Variants in BMPR2 observed in about 807,000 individuals in gnomAD.
BMPR2 encodes the protein bone morphogenetic protein receptor type-2.
A neutral mutation model predicts 100.8 loss-of-function variants in BMPR2; 29 were observed. That is an observed-to-expected ratio of 0.29 (90% CI 0.21 to 0.39). BMPR2 has a LOEUF of 0.39. Ranked by LOEUF, BMPR2 falls within the 10% of genes least tolerant of loss-of-function variation. BMPR2 has a pLI of 1.00. For missense variants in BMPR2, 1,011 were observed against 1,274.5 expected, an observed-to-expected ratio of 0.79 and a Z score of 3.15; for synonymous variants, 382 against 442.3, an observed-to-expected ratio of 0.86 and a Z score of 1.71.
At chr2:202,456,841 A>C (rs1383170119) in intron 1 of BMPR2, among the ~76,000 whole-genome samples, 1 of 152,076 alleles carries the variant, frequency 6.6e-6, no homozygotes, top group East Asian at 1.9e-4. Flanking sequence ...AAGCCCTTTC[A>C]TATATCTCTG....
intron 1 of BMPR2, among the ~76,000 whole-genome samples, chr2:202,459,764 C>T (rs775241484): frequency 3.3e-5 from 5 of 151,990 alleles, no homozygotes; most frequent in Admixed American, 6.6e-5. Flanking sequence ...AAAAGCAAAA[C>T]GAGATTTAAT....
intron 1 of BMPR2, among the ~76,000 whole-genome samples, chr2:202,458,222 G>C (rs1692159636): frequency 6.8e-6 from 1 of 146,284 alleles, no homozygotes; most frequent in Non-Finnish European, 1.5e-5. Flanking sequence ...CAAGGCAGGA[G>C]GATCACTTGA....
intron 1 of BMPR2, among the ~76,000 whole-genome samples, chr2:202,439,414 G>T (rs1264440058): frequency 7.0e-6 from 1 of 142,434 alleles, no homozygotes; most frequent in African/African-American, 2.7e-5. Context: ...GATTCCTTAG[G>T]ATTTGTTTAT....
chr2:202,554,352 C>T (rs757886832), intron 11 of BMPR2, among the ~76,000 whole-genome samples: 1 of 152,088 alleles, frequency 6.6e-6, no homozygotes, highest in Non-Finnish European at 1.5e-5. Flanking sequence ...GGCCACTTTT[C>T]GCCTCCTGTG....
intron 4 of BMPR2, among the ~76,000 whole-genome samples, chr2:202,514,272 G>A (rs1262733416): frequency 6.6e-6 from 1 of 152,156 alleles, no homozygotes; most frequent in Non-Finnish European, 1.5e-5. Flanking sequence ...GAGTAGCTGG[G>A]ACTACAGGTG....
chr2:202,535,860 AT>A (rs1401609570), intron 9 of BMPR2, among the ~76,000 whole-genome samples: 3 of 152,188 alleles, frequency 2.0e-5, no homozygotes, highest in African/African-American at 7.2e-5. Flanking sequence ...AGGCTGGCGG[AT>A]CACTCGCGGT....
intron 1 of BMPR2, among the ~76,000 whole-genome samples, chr2:202,433,424 A>C (rs536290718): frequency 6.6e-6 from 1 of 150,932 alleles, no homozygotes; most frequent in South Asian, 2.1e-4. Context: ...AAGGAAGGCT[A>C]AGACATCAGT....
intron 1 of BMPR2, among the ~76,000 whole-genome samples, chr2:202,423,740 T>A (rs1691321286): frequency 6.6e-6 from 1 of 151,898 alleles, no homozygotes; most frequent in African/African-American, 2.4e-5. Context: ...GGCAATAGCA[T>A]AAGACCTCCT....
chr2:202,454,212 G>A (rs1053436963), intron 1 of BMPR2, among the ~76,000 whole-genome samples: 1 of 152,048 alleles, frequency 6.6e-6, no homozygotes, highest in Non-Finnish European at 1.5e-5. Context: ...TGGGACTACA[G>A]GCACACACCA....
intron 3 of BMPR2, among the ~76,000 whole-genome samples, chr2:202,511,872 T>G (rs1687632120): frequency 6.6e-6 from 1 of 151,892 alleles, no homozygotes; most frequent in South Asian, 2.1e-4. Flanking sequence ...ATACAAAAAA[T>G]TATCCAGGTG....
chr2:202,542,477 G>C (rs1398941620), intron 10 of BMPR2, 30 bp downstream of exon 10: 1 of 1,610,120 alleles, frequency 6.2e-7, no homozygotes, highest in Non-Finnish European at 8.5e-7. Context: ...TTAAAGAGAG[G>C]ACTTATGACT....
chr2:202,551,574 A>C (rs1688478900), intron 10 of BMPR2, among the ~76,000 whole-genome samples: 1 of 152,218 alleles, frequency 6.6e-6, no homozygotes, highest in African/African-American at 2.4e-5. Flanking sequence ...GGAGACTATT[A>C]TAGGGAGACT....
At chr2:202,484,947 C>T (rs76117909) in intron 3 of BMPR2, among the ~76,000 whole-genome samples, 10,416 of 128,216 alleles carry the variant, frequency 0.081, 495 homozygotes, top group Middle Eastern at 0.15. Context: ...CCAGCCTGGG[C>T]GACAGAGTGA....
intron 3 of BMPR2, among the ~76,000 whole-genome samples, chr2:202,488,012 G>C (rs1004290832): frequency 6.6e-6 from 1 of 152,124 alleles, no homozygotes; most frequent in Non-Finnish European, 1.5e-5. Flanking sequence ...ATGCCACTGC[G>C]CCCAGCCTAT....
intron 1 of BMPR2, among the ~76,000 whole-genome samples, chr2:202,385,389 G>A (rs1379830077): frequency 7.5e-5 from 7 of 92,878 alleles, no homozygotes; most frequent in African/African-American, 1.7e-4. Flanking sequence ...TTTTTGAGAC[G>A]GAGTCTCGCT....
chr2:202,513,504 A>C (rs1490783466), intron 3 of BMPR2, among the ~76,000 whole-genome samples: 2 of 152,174 alleles, frequency 1.3e-5, no homozygotes. Context: ...TTGGTGTTTT[A>C]GTGTTCCAAA....
At chr2:202,379,640 G>A (rs1690228655) in intron 1 of BMPR2, among the ~76,000 whole-genome samples, 1 of 152,186 alleles carries the variant, frequency 6.6e-6, no homozygotes, top group African/African-American at 2.4e-5. Context: ...AAGCTGATTA[G>A]AGAGGGCCTG....
In BMPR2 at chr2:202,532,384, C is replaced by A. The variant is rs1007975082; in HGVS notation, c.1129-201C>A. ...TTCTTTTTGATTGATTAATAGTATT[C>A]ACTAAAATGGATTTACCACAGTTTA... On this transcript the variant is annotated intron_variant, in intron 8 of 12. Coordinates refer to ENST00000374580, the MANE Select transcript of BMPR2 (RefSeq NM_001204.7). The surrounding 1 kb of genome is among the most constrained non-coding windows in gnomAD (Gnocchi z 4.1). Among the ~76,000 whole-genome samples, 3 of 152,100 alleles carry A rather than the reference C, an allele frequency of 2.0e-5. No homozygotes were observed. The highest frequency in any genetic ancestry group is 7.2e-5 in the African/African-American group (3 of 41,394).
intron 1 of BMPR2, among the ~76,000 whole-genome samples, chr2:202,453,451 C>T (rs866172019): frequency 9.2e-5 from 14 of 152,096 alleles, no homozygotes; most frequent in South Asian, 2.1e-4. Flanking sequence ...AAATGTGGTA[C>T]ATATACACAA....
Sources: gnomAD v4.1 joint callset for allele counts (sites outside exome capture counted in the v4.1 genomes callset) on GRCh38, gnomAD v4.1.1 for gene constraint, Gnocchi (gnomAD v3.1) non-coding constraint, MANE v1.5 for transcripts, NCBI Gene and HGNC (gene_info 2026-07-23, HGNC 2026-07-21) for gene names.